Variants in PABPC4L observed in about 807,000 individuals in gnomAD.
PABPC4L encodes poly(A) binding protein cytoplasmic 4 like, also known as polyadenylate-binding protein 4-like.
For synonymous variants in PABPC4L, 169 were observed against 164.1 expected (o/e 1.03, Z -0.23); for missense variants, 452 against 451.4 (o/e 1.00, Z -0.01).
At chr4:134,153,625 A>T in the PABPC4L span, among the ~76,000 whole-genome samples, 1 of 150,852 alleles carries the variant, frequency 6.6e-6, no homozygotes. Flanking sequence ...GTTTAAATAC[A>T]AGCATATTTA....
chr4:134,178,365 C>CAA, the PABPC4L span, among the ~76,000 whole-genome samples: 589 of 103,992 alleles, frequency 5.7e-3, 2 homozygotes, highest in African/African-American at 0.018. Context: ...AAGAAAAAAG[C>CAA]AAAAAAAAAA....
the PABPC4L span, among the ~76,000 whole-genome samples, chr4:134,150,811 T>C: frequency 2.0e-4 from 30 of 152,326 alleles, no homozygotes; most frequent in East Asian, 4.1e-3. Context: ...CACATGCAGA[T>C]ACATAACAAG....
At chr4:134,126,293 A>C in the PABPC4L span, among the ~76,000 whole-genome samples, 1 of 152,152 alleles carries the variant, frequency 6.6e-6, no homozygotes, top group East Asian at 1.9e-4. Flanking sequence ...ACTGGGCTTC[A>C]GTGATTAAGT....
the PABPC4L span, among the ~76,000 whole-genome samples, chr4:134,179,854 C>T: frequency 5.3e-5 from 8 of 152,018 alleles, no homozygotes; most frequent in African/African-American, 1.9e-4. Context: ...TGCACATATA[C>T]ACACCTAACA....
At chr4:134,030,221 C>G in the PABPC4L span, among the ~76,000 whole-genome samples, 2 of 151,864 alleles carry the variant, frequency 1.3e-5, no homozygotes, top group East Asian at 1.9e-4. Flanking sequence ...AATGTGGGAG[C>G]GACTTTGGAA....
chr4:134,178,699 C>A, the PABPC4L span, among the ~76,000 whole-genome samples: 1 of 152,110 alleles, frequency 6.6e-6, no homozygotes, highest in East Asian at 1.9e-4. Context: ...TAAGAAAGTA[C>A]TAAACAGTTC....
At chr4:134,111,869 T>C in the PABPC4L span, among the ~76,000 whole-genome samples, 1 of 152,002 alleles carries the variant, frequency 6.6e-6, no homozygotes, top group African/African-American at 2.4e-5. Flanking sequence ...TGGTGTGTCT[T>C]TGTCAGCAGC....
At chr4:134,195,000 C>T (rs1729616628), downstream of PABPC4L, among the ~76,000 whole-genome samples, 1 of 151,658 alleles carries the variant, frequency 6.6e-6, no homozygotes, top group African/African-American at 2.4e-5. Context: ...AATATTAAAA[C>T]TTGGATTACC....
chr4:134,150,333 C>T, the PABPC4L span, among the ~76,000 whole-genome samples: 8 of 152,036 alleles, frequency 5.3e-5, no homozygotes, highest in African/African-American at 1.7e-4. Flanking sequence ...ATCCACCTGC[C>T]TTGGCCTCCC....
At chr4:134,133,929 A>AT in the PABPC4L span, among the ~76,000 whole-genome samples, 1 of 152,022 alleles carries the variant, frequency 6.6e-6, no homozygotes, top group Non-Finnish European at 1.5e-5. Flanking sequence ...TGTCAAACTG[A>AT]TTTTTTAAAA....
chr4:134,101,371 A>T, the PABPC4L span, among the ~76,000 whole-genome samples: 1 of 151,518 alleles, frequency 6.6e-6, no homozygotes, highest in African/African-American at 2.4e-5. Context: ...CAATTAACAC[A>T]GTGAAAGTCA....
chr4:134,076,753 T>C, the PABPC4L span, among the ~76,000 whole-genome samples: 1 of 152,124 alleles, frequency 6.6e-6, no homozygotes, highest in African/African-American at 2.4e-5. Flanking sequence ...AGGGGACAAC[T>C]GTTATGGATA....
chr4:134,162,455 G>A, the PABPC4L span, among the ~76,000 whole-genome samples: 8 of 152,092 alleles, frequency 5.3e-5, no homozygotes, highest in East Asian at 9.7e-4. Flanking sequence ...TAGACAGATC[G>A]TCAAGGTGGA....
At chr4:134,058,864 G>C in the PABPC4L span, among the ~76,000 whole-genome samples, 106 of 151,982 alleles carry the variant, frequency 7.0e-4, no homozygotes, top group Non-Finnish European at 1.3e-3. Context: ...CAACAGATGG[G>C]AGATGTCAGT....
At chr4:134,118,256 A>T in the PABPC4L span, among the ~76,000 whole-genome samples, 1 of 151,950 alleles carries the variant, frequency 6.6e-6, no homozygotes, top group South Asian at 2.1e-4. Context: ...GGATGTCTCA[A>T]CTTTCCTTGG....
chr4:134,091,712 A>T, the PABPC4L span, among the ~76,000 whole-genome samples: 722 of 151,782 alleles, frequency 4.8e-3, 3 homozygotes, highest in African/African-American at 0.015. Flanking sequence ...GTTTTTTTTT[A>T]AAATCAGAAT....
chr4:133,967,732 G>T, the PABPC4L span, among the ~76,000 whole-genome samples: 3 of 152,152 alleles, frequency 2.0e-5, no homozygotes, highest in African/African-American at 7.2e-5. Flanking sequence ...TTGAACAAAG[G>T]CTAGAATCAG....
At chr4:133,984,031 T>C in the PABPC4L span, among the ~76,000 whole-genome samples, 2 of 151,826 alleles carry the variant, frequency 1.3e-5, no homozygotes, top group Non-Finnish European at 3.0e-5. Context: ...AAAGCTCTGA[T>C]CCACTGAAAG....
chr4:134,109,633 A>T, the PABPC4L span, among the ~76,000 whole-genome samples: 1 of 152,154 alleles, frequency 6.6e-6, no homozygotes, highest in East Asian at 1.9e-4. Context: ...CTGATAAAAA[A>T]ATTAATAAAA....
Sources: allele counts gnomAD v4.1 joint callset (sites outside exome capture counted in the v4.1 genomes callset), GRCh38; gene constraint gnomAD v4.1.1; transcripts MANE v1.5; gene names NCBI Gene and HGNC (gene_info 2026-07-23, HGNC 2026-07-21).